KCNH7: variants seen among roughly 807,000 people sequenced by gnomAD.
KCNH7 encodes voltage-gated inwardly rectifying potassium channel KCNH7.
In KCNH7, 49 loss-of-function variants were observed where a neutral mutation model predicts 120.8. The ratio of observed to expected loss-of-function variants is 0.41; its 90% CI spans 0.32 to 0.51. The LOEUF is 0.51. Ranked by LOEUF, KCNH7 falls within the 20% of genes least tolerant of loss-of-function variation. KCNH7 has a pLI of 0.38. For missense variants in KCNH7, 1,097 were observed against 1,446.6 expected (o/e 0.76, Z 3.92); for synonymous variants, 547 against 516.1 (o/e 1.06, Z -0.81).
chr2:162,547,761 T>TGTGAGTGACCTAA (rs147424984), intron 2 of KCNH7, among the ~76,000 whole-genome samples: 15,452 of 152,126 alleles, frequency 0.1, 956 homozygotes, highest in East Asian at 0.21. Flanking sequence ...TAATAGGTGA[T>TGTGAGTGACCTAA]GTCACACAAA....
At position 162,371,946 on chromosome 2, in the gene KCNH7, T is replaced by C; in HGVS notation, c.3474A>G (p.Gln1158=). The C allele has an allele frequency of 6.2e-7, 1 of 1,613,894 alleles. No homozygotes were observed. The highest frequency in any genetic ancestry group is 8.5e-7 in the Non-Finnish European group (1 of 1,179,882). ...TAATTGGATGAACGTAAGTTTTTCT[T>C]TGCCGCAGGTGAAGCTCTAAAGAGA... The part of the protein sequence containing the change: ...SDLSLELHLR[Q]RKTYVHPIRH... The change falls in exon 16 of 16, where the codon CAA becomes CAG. Residue 1158 remains glutamine, a synonymous_variant. Coordinates refer to ENST00000332142, the MANE Select transcript of KCNH7 (RefSeq NM_033272.4).
chr2:162,752,991 A>G (rs1688646220), intron 2 of KCNH7, among the ~76,000 whole-genome samples: 1 of 136,816 alleles, frequency 7.3e-6, no homozygotes, highest in South Asian at 2.2e-4. Flanking sequence ...AAGAAAAGAA[A>G]AGAAAAGAAA....
intron 2 of KCNH7, among the ~76,000 whole-genome samples, chr2:162,606,280 A>T (rs1035824458): frequency 6.6e-6 from 1 of 152,104 alleles, no homozygotes; most frequent in Admixed American, 6.6e-5. Context: ...GAGTATAAGT[A>T]AGTGAAAGAA....
chr2:162,622,301 G>T (rs1000854904), intron 2 of KCNH7, among the ~76,000 whole-genome samples: 1 of 152,164 alleles, frequency 6.6e-6, no homozygotes, highest in Non-Finnish European at 1.5e-5. Context: ...TGGAGGCTTC[G>T]CTTTTGCGAG....
intron 2 of KCNH7, among the ~76,000 whole-genome samples, chr2:162,626,983 C>T (rs1307153874): frequency 6.6e-6 from 1 of 152,118 alleles, no homozygotes. Flanking sequence ...TACATCGTGG[C>T]AATTTGTAAG....
chr2:162,551,181 G>A (rs1342390962), intron 2 of KCNH7, among the ~76,000 whole-genome samples: 2 of 152,112 alleles, frequency 1.3e-5, no homozygotes, highest in Non-Finnish European at 2.9e-5. Flanking sequence ...CTTAATGACA[G>A]AAAGTAAAAC....
chr2:162,494,698 C>T (rs1231345152), intron 6 of KCNH7, among the ~76,000 whole-genome samples: 1 of 152,064 alleles, frequency 6.6e-6, no homozygotes, highest in East Asian at 1.9e-4. Context: ...CAATTGTTGT[C>T]TTGCTTTGAT....
chr2:162,589,621 C>T (rs1043015292), intron 2 of KCNH7, among the ~76,000 whole-genome samples: 4 of 152,046 alleles, frequency 2.6e-5, no homozygotes, highest in African/African-American at 4.8e-5. Flanking sequence ...GAAAGGGTAG[C>T]TCCTCCACTC....
At chr2:162,537,130 A>G (rs769087961) in intron 2 of KCNH7, 50 bp from the exon 3 acceptor site, 1 of 1,425,938 alleles carries the variant, frequency 7.0e-7, no homozygotes, top group South Asian at 1.3e-5. Flanking sequence ...TTCATTCTGA[A>G]CTATCAAGTA....
chr2:162,433,532 G>T, intron 8 of KCNH7, among the ~76,000 whole-genome samples: 1 of 151,990 alleles, frequency 6.6e-6, no homozygotes, highest in East Asian at 1.9e-4. Context: ...ATGTATAAAG[G>T]ACTCCCTATT....
intron 10 of KCNH7, among the ~76,000 whole-genome samples, chr2:162,398,086 A>G (rs1163867289): frequency 1.3e-5 from 2 of 151,880 alleles, no homozygotes; most frequent in Non-Finnish European, 2.9e-5. Flanking sequence ...TGGTATATAT[A>G]CTTAATACAT....
At position 162,610,883 on chromosome 2, in the gene KCNH7, T is replaced by C. The variant is rs148908486; in HGVS notation, c.308-73803A>G. 4.6e-5 allele frequency among the ~76,000 whole-genome samples: 7 copies of C among 152,204 alleles called. No homozygotes were observed. In the East Asian group the frequency reaches 1.4e-3, roughly 29 times the overall value. ...CAAAAAGGACTGTTCTGTAAGACAATAAATGTGAAAGCCAGGTTCAGAGAA... is the reference window on the plus strand; with the variant it reads ...CAAAAAGGACTGTTCTGTAAGACAACAAATGTGAAAGCCAGGTTCAGAGAA... On this transcript the variant is annotated intron_variant, in intron 2 of 15. Coordinates refer to ENST00000332142, the MANE Select transcript of KCNH7 (RefSeq NM_033272.4).
intron 7 of KCNH7, among the ~76,000 whole-genome samples, chr2:162,443,042 C>T (rs1420366671): frequency 6.6e-6 from 1 of 152,090 alleles, no homozygotes; most frequent in Admixed American, 6.6e-5. Context: ...GCTACTGGAT[C>T]TTGTATATCT....
intron 2 of KCNH7, among the ~76,000 whole-genome samples, chr2:162,651,903 G>C (rs1684579787): frequency 6.6e-6 from 1 of 152,114 alleles, no homozygotes; most frequent in Non-Finnish European, 1.5e-5. Context: ...ATTCTGACTG[G>C]TGTGAGATGG....
At chr2:162,573,805 A>G (rs1693575727) in intron 2 of KCNH7, among the ~76,000 whole-genome samples, 1 of 152,030 alleles carries the variant, frequency 6.6e-6, no homozygotes, top group African/African-American at 2.4e-5. Context: ...TATACATTCA[A>G]CTGGCAGGGA....
At position 162,373,543 on chromosome 2, in the gene KCNH7, A is replaced by G; in HGVS notation, c.3251T>C (p.Ile1084Thr). Residue 1084 changes from isoleucine to threonine, a missense_variant, in exon 15 of 16, where the codon ATC (isoleucine) becomes ACC (threonine). By Grantham distance (89) the Ile-to-Thr change is moderately conservative. Transcript: ENST00000332142. ...VTAGSEYQRP[I>T]IQLMRTSQPE... The stretch of plus-strand genomic sequence containing the variant: ...TTGACTGGTTCTCATCAGCTGGATG[A>G]TGGGTCTCTGATATTCTGATCCTGC... The G allele has an allele frequency of 6.3e-7, 1 of 1,591,382 alleles. No individual in the cohort carries two copies. The highest frequency in any genetic ancestry group is 8.6e-7 in the Non-Finnish European group (1 of 1,168,940).
chr2:162,518,803 G>GT (rs1278193910), intron 3 of KCNH7, among the ~76,000 whole-genome samples: 6 of 137,938 alleles, frequency 4.3e-5, no homozygotes, highest in African/African-American at 1.6e-4. Flanking sequence ...TCTTTTTCCT[G>GT]TTTTCTGTTT....
chr2:162,414,399 C>T (rs977878182), intron 9 of KCNH7, among the ~76,000 whole-genome samples: 1 of 151,196 alleles, frequency 6.6e-6, no homozygotes, highest in East Asian at 1.9e-4. Context: ...GAGAAGAAAC[C>T]ATTAGTATAA....
At chr2:162,702,370 T>C (rs1409814408) in intron 2 of KCNH7, among the ~76,000 whole-genome samples, 1 of 152,154 alleles carries the variant, frequency 6.6e-6, no homozygotes, top group African/African-American at 2.4e-5. Flanking sequence ...AGTTGTATGA[T>C]ATCAATATGT....
Sources: allele counts gnomAD v4.1 joint callset (sites outside exome capture counted in the v4.1 genomes callset), GRCh38; gene constraint gnomAD v4.1.1; transcripts MANE v1.5; gene names NCBI Gene and HGNC (gene_info 2026-07-23, HGNC 2026-07-21).